Variants in ACOXL observed in about 807,000 individuals in gnomAD.
ACOXL encodes acyl-CoA oxidase like.
In ACOXL, 70 loss-of-function variants were observed where a neutral mutation model predicts 71.9. The ratio of observed to expected loss-of-function variants is 0.97; its 90% confidence interval spans 0.80 to 1.19. ACOXL has a LOEUF of 1.19. Ranked by LOEUF, ACOXL falls within the 50% of genes most tolerant of loss-of-function variation. The probability of loss-of-function intolerance (pLI) is 0.00; values close to 1 mark genes in which losing one functional copy is unlikely to be tolerated. For synonymous variants in ACOXL, 253 were observed against 281.6 expected (o/e 0.90, Z 1.02); for missense variants, 703 against 736.3 (o/e 0.95, Z 0.52).
intron 2 of ACOXL, among the ~76,000 whole-genome samples, chr2:110,783,697 G>T (rs183470953): frequency 6.7e-6 from 1 of 148,548 alleles, no homozygotes; most frequent in Non-Finnish European, 1.5e-5. Flanking sequence ...ATGGACACAT[G>T]TGCACACAGG....
At chr2:110,792,619 A>G (rs1029591535) in intron 3 of ACOXL, among the ~76,000 whole-genome samples, 1 of 151,984 alleles carries the variant, frequency 6.6e-6, no homozygotes, top group Non-Finnish European at 1.5e-5. Flanking sequence ...GCAAGACCTC[A>G]TCTCTACTAA....
Position 110,921,554 on chromosome 2 carries a change from C to T in ACOXL, c.906-11935C>T, listed in dbSNP as rs148244490. Reference sequence around the variant, plus strand: ...GACTACAGGTGCCTGCCACCACGTCCGGCTAACTTTTTGTACTTTTAGTAG... The same window carrying T: ...GACTACAGGTGCCTGCCACCACGTCTGGCTAACTTTTTGTACTTTTAGTAG... On this transcript the variant is annotated intron_variant, in intron 11 of 17. Transcript: ENST00000439055. Among the ~76,000 whole-genome samples, 1,324 of 152,100 alleles carry T rather than the reference C, an allele frequency of 8.7e-3. 32 individuals are homozygous for T. Among genetic ancestry groups the T allele is most frequent in the Admixed American group, 0.055 (835 of 15,274 alleles).
chr2:110,815,815 A>G (rs973736083), intron 9 of ACOXL, among the ~76,000 whole-genome samples: 1 of 152,186 alleles, frequency 6.6e-6, no homozygotes, highest in African/African-American at 2.4e-5. Context: ...TTTGCCACTC[A>G]GCAAACTCAG....
intron 12 of ACOXL, among the ~76,000 whole-genome samples, chr2:110,982,615 A>G (rs1208693518): frequency 6.6e-6 from 1 of 152,186 alleles, no homozygotes; most frequent in African/African-American, 2.4e-5. Context: ...TCTCATACCC[A>G]TGGGTGACCC....
At chr2:111,078,603 A>G (rs1056103512) in intron 16 of ACOXL, among the ~76,000 whole-genome samples, 1 of 152,042 alleles carries the variant, frequency 6.6e-6, no homozygotes, top group Non-Finnish European at 1.5e-5. Flanking sequence ...CTATTCTACC[A>G]TTTGTTTCAA....
At chr2:110,819,039 C>T (rs1688300105) in intron 9 of ACOXL, among the ~76,000 whole-genome samples, 1 of 64,412 alleles carries the variant, frequency 1.6e-5, no homozygotes, top group African/African-American at 3.4e-5. Context: ...GACACCCAGG[C>T]AAATGAAGCC....
At chr2:111,064,292 C>T (rs991040722) in intron 16 of ACOXL, among the ~76,000 whole-genome samples, 21 of 151,944 alleles carry the variant, frequency 1.4e-4, no homozygotes, top group Non-Finnish European at 2.5e-4. Flanking sequence ...AAAAATTAGC[C>T]GGGCGTGGTG....
At chr2:110,962,817 T>C (rs1445418432) in intron 12 of ACOXL, among the ~76,000 whole-genome samples, 1 of 152,210 alleles carries the variant, frequency 6.6e-6, no homozygotes, top group Non-Finnish European at 1.5e-5. Flanking sequence ...GACAGTCAGC[T>C]CTGACGTGAC....
At chr2:110,881,664 A>G (rs959830027) in intron 10 of ACOXL, among the ~76,000 whole-genome samples, 13 of 152,144 alleles carry the variant, frequency 8.5e-5, no homozygotes, top group Non-Finnish European at 1.2e-4. Context: ...CAGGTAACCA[A>G]TAATCTGCTT....
At chr2:110,780,939 AG>A (rs1683242374) in intron 2 of ACOXL, among the ~76,000 whole-genome samples, 2 of 152,086 alleles carry the variant, frequency 1.3e-5, no homozygotes, top group South Asian at 4.1e-4. Flanking sequence ...CTGAGGCAGG[AG>A]GATTCCTTGA....
chr2:111,037,700 G>A (rs1182697120), intron 15 of ACOXL, among the ~76,000 whole-genome samples: 1 of 152,148 alleles, frequency 6.6e-6, no homozygotes, highest in Admixed American at 6.5e-5. Flanking sequence ...AGGCTCAGAG[G>A]GGTGAACAAC....
intron 12 of ACOXL, among the ~76,000 whole-genome samples, chr2:110,960,183 C>T (rs987278531): frequency 6.6e-6 from 1 of 152,170 alleles, no homozygotes; most frequent in Non-Finnish European, 1.5e-5. Context: ...GATTGCAAAA[C>T]CCCACGGAAG....
chr2:110,856,720 G>A (rs1693294711), intron 10 of ACOXL, among the ~76,000 whole-genome samples: 1 of 152,208 alleles, frequency 6.6e-6, no homozygotes, highest in Non-Finnish European at 1.5e-5. Flanking sequence ...GACATGGACA[G>A]GAATATGTCT....
At chr2:110,831,654 G>A (rs143598264) in intron 9 of ACOXL, among the ~76,000 whole-genome samples, 1 of 152,274 alleles carries the variant, frequency 6.6e-6, no homozygotes, top group Non-Finnish European at 1.5e-5. Flanking sequence ...GAATAAAGTA[G>A]GTAGAATCAG....
chr2:110,955,268 A>AT (rs2061455845), intron 12 of ACOXL, among the ~76,000 whole-genome samples: 1 of 151,746 alleles, frequency 6.6e-6, no homozygotes, highest in South Asian at 2.1e-4. Flanking sequence ...GATTCTGTTG[A>AT]TTTTTTAATC....
At chr2:110,785,791 G>C (rs1009502327) in intron 3 of ACOXL, among the ~76,000 whole-genome samples, 1 of 152,114 alleles carries the variant, frequency 6.6e-6, no homozygotes, top group Admixed American at 6.6e-5. Context: ...AACTAGGAAT[G>C]GAATTGCTAG....
At chr2:110,928,714 C>G (rs1164463256) in intron 11 of ACOXL, among the ~76,000 whole-genome samples, 1 of 152,200 alleles carries the variant, frequency 6.6e-6, no homozygotes, top group Non-Finnish European at 1.5e-5. Context: ...CAAATCTCAT[C>G]TTGAACTGTA....
intron 2 of ACOXL, among the ~76,000 whole-genome samples, chr2:110,771,385 C>T (rs1313037822): frequency 3.3e-5 from 5 of 152,128 alleles, no homozygotes; most frequent in Non-Finnish European, 5.9e-5. Flanking sequence ...ATGCCAGGCC[C>T]GTCTGTGTTT....
intron 17 of ACOXL, among the ~76,000 whole-genome samples, chr2:111,106,904 T>G (rs1243131894): frequency 2.0e-5 from 3 of 152,214 alleles, no homozygotes; most frequent in African/African-American, 7.2e-5. Context: ...GGGCCTTTAC[T>G]CACACTGGCA....
Sources: allele counts gnomAD v4.1 joint callset (sites outside exome capture counted in the v4.1 genomes callset), GRCh38; gene constraint gnomAD v4.1.1; transcripts MANE v1.5; gene names NCBI Gene and HGNC (gene_info 2026-07-23, HGNC 2026-07-21).